UBE2L3: variants seen among roughly 807,000 people sequenced by gnomAD.
The protein encoded by UBE2L3 is ubiquitin conjugating enzyme E2 L3.
UBE2L3 carries 1 observed loss-of-function variant against 17.8 expected under a neutral mutation model. The observed-to-expected ratio is 0.06, with a 90% CI of 0.02 to 0.27. The LOEUF (loss-of-function observed/expected upper bound fraction) is 0.27. UBE2L3 is among the 10% of genes least tolerant of loss of function. The probability of loss-of-function intolerance (pLI) is 1.00; values close to 1 mark genes in which losing one functional copy is unlikely to be tolerated. For missense variants in UBE2L3, 40 were observed against 192.6 expected (o/e 0.21, Z 4.69); for synonymous variants, 44 against 68.5 (o/e 0.64, Z 1.76).
At chr22:21,595,069 G>T (rs1276987290) in intron 2 of UBE2L3, among the ~76,000 whole-genome samples, 3 of 152,238 alleles carry the variant, frequency 2.0e-5, no homozygotes, top group African/African-American at 4.8e-5. Context: ...GGGCTATGGA[G>T]CAGTGGGCTA....
intron 1 of UBE2L3, among the ~76,000 whole-genome samples, chr22:21,589,439 G>A (rs1252592360): frequency 2.6e-5 from 4 of 152,272 alleles, no homozygotes; most frequent in East Asian, 3.9e-4. Context: ...GAACCACTGC[G>A]CCCGGCATGA....
upstream of UBE2L3, among the ~76,000 whole-genome samples, chr22:21,566,489 A>T (rs1373359860): frequency 1.3e-5 from 2 of 151,900 alleles, no homozygotes; most frequent in Non-Finnish European, 2.9e-5. Flanking sequence ...TGGGAGGCGA[A>T]GCAGGAGGAT....
chr22:21,588,177 G>A (rs1045361374), intron 1 of UBE2L3, among the ~76,000 whole-genome samples: 1 of 152,188 alleles, frequency 6.6e-6, no homozygotes, highest in African/African-American at 2.4e-5. Flanking sequence ...GTCATTCTTG[G>A]CTTTGGTCTT....
upstream of UBE2L3, among the ~76,000 whole-genome samples, chr22:21,562,868 C>A (rs762752221): frequency 7.9e-5 from 12 of 151,944 alleles, no homozygotes; most frequent in Non-Finnish European, 1.3e-4. Flanking sequence ...GGACTCCATG[C>A]TGACTGGAGG....
chr22:21,558,649 AC>A (rs1310326448), intron 1 of UBE2L3, among the ~76,000 whole-genome samples: 79 of 150,724 alleles, frequency 5.2e-4, no homozygotes, highest in African/African-American at 1.8e-3. Context: ...AAAAAAAAAA[AC>A]ACTTAATTTT....
intron 2 of UBE2L3, among the ~76,000 whole-genome samples, chr22:21,605,731 C>A (rs1249186438): frequency 6.6e-6 from 1 of 152,206 alleles, no homozygotes. Flanking sequence ...GTCTCAAACT[C>A]CTGGCCTCAA....
chr22:21,572,381 G>C (rs528594486), intron 1 of UBE2L3, among the ~76,000 whole-genome samples: 17 of 130,264 alleles, frequency 1.3e-4, no homozygotes, highest in African/African-American at 5.0e-4. Context: ...GTTGCGGTGA[G>C]CCAAGATTGT....
intron 1 of UBE2L3, 69 bp from the exon 2 acceptor site, chr22:21,592,792 A>G: frequency 1.6e-6 from 2 of 1,247,490 alleles, no homozygotes; most frequent in Non-Finnish European, 1.2e-6. Flanking sequence ...ATTTGAGGGC[A>G]TCAGGAGGGA....
chr22:21,584,915 C>G (rs1021413546), intron 1 of UBE2L3, among the ~76,000 whole-genome samples: 1 of 152,122 alleles, frequency 6.6e-6, no homozygotes, highest in Non-Finnish European at 1.5e-5. Context: ...GAGCTGAGAT[C>G]ACGCCTCCAC....
chr22:21,577,538 A>T (rs535895400), intron 1 of UBE2L3, among the ~76,000 whole-genome samples: 20 of 152,314 alleles, frequency 1.3e-4, no homozygotes, highest in Admixed American at 3.3e-4. Context: ...TGGAAAGCAG[A>T]CACCAGTGGC....
chr22:21,564,520 A>G (rs906912493), upstream of UBE2L3, among the ~76,000 whole-genome samples: 6 of 152,156 alleles, frequency 3.9e-5, no homozygotes, highest in Non-Finnish European at 7.3e-5. Flanking sequence ...ACATTTCCTG[A>G]GTGCTTGTTT....
At chr22:21,596,954 C>T (rs1243275618) in intron 2 of UBE2L3, among the ~76,000 whole-genome samples, 1 of 152,000 alleles carries the variant, frequency 6.6e-6, no homozygotes, top group Admixed American at 6.6e-5. Flanking sequence ...GGATGTAGAA[C>T]ATGTTTTTGC....
intron 3 of UBE2L3, 52 bp downstream of exon 3, chr22:21,611,095 C>G (rs1929447518): frequency 6.6e-7 from 1 of 1,509,372 alleles, no homozygotes; most frequent in East Asian, 2.3e-5. Context: ...GGGTGCTGCT[C>G]TGGGGTGGGG....
intron 1 of UBE2L3, among the ~76,000 whole-genome samples, chr22:21,558,904 G>A (rs1413126889): frequency 6.6e-6 from 1 of 151,972 alleles, no homozygotes; most frequent in Non-Finnish European, 1.5e-5. Context: ...GACTGAAGAA[G>A]ACAGAGGCAG....
At chr22:21,621,399 C>T in intron 3 of UBE2L3, 116 bp from the exon 4 acceptor site, 15 of 1,313,176 alleles carry the variant, frequency 1.1e-5, no homozygotes, top group Non-Finnish European at 1.5e-5. Flanking sequence ...GGCTTAAAAG[C>T]ACATTAGCTG....
At chr22:21,555,634 A>AAATTTTT (rs1926197844) in intron 1 of UBE2L3, among the ~76,000 whole-genome samples, 1 of 151,128 alleles carries the variant, frequency 6.6e-6, no homozygotes, top group Non-Finnish European at 1.5e-5. Context: ...CAAAAAAAAA[A>AAATTTTT]AATTTTTTTT....
intron 1 of UBE2L3, among the ~76,000 whole-genome samples, chr22:21,559,127 AC>A (rs1926341580): frequency 6.6e-6 from 1 of 151,886 alleles, no homozygotes; most frequent in Admixed American, 6.6e-5. Context: ...TGGGTGGATC[AC>A]TTGAGATCAG....
intron 1 of UBE2L3, among the ~76,000 whole-genome samples, chr22:21,558,371 G>A (rs1008492754): frequency 6.6e-6 from 1 of 152,256 alleles, no homozygotes; most frequent in Admixed American, 6.5e-5. Flanking sequence ...AGTGGCTTAC[G>A]CCTGTAATCC....
chr22:21,597,480 A>G (rs1928592289), intron 2 of UBE2L3, among the ~76,000 whole-genome samples: 1 of 151,518 alleles, frequency 6.6e-6, no homozygotes, highest in Admixed American at 6.6e-5. Context: ...TTTTTTCTGT[A>G]GAGATGGAGT....
Sources: allele counts gnomAD v4.1 joint callset (sites outside exome capture counted in the v4.1 genomes callset), GRCh38; gene constraint gnomAD v4.1.1; transcripts MANE v1.5; gene names NCBI Gene and HGNC (gene_info 2026-07-23, HGNC 2026-07-21).